SLC4A4: variants seen among roughly 807,000 people sequenced by gnomAD.
The protein encoded by SLC4A4 is solute carrier family 4 member 4, also known as electrogenic sodium bicarbonate cotransporter 1.
A neutral mutation model predicts 111.5 loss-of-function variants in SLC4A4; 27 were observed. The ratio of observed to expected loss-of-function variants is 0.24; its 90% CI spans 0.18 to 0.33. The LOEUF is 0.33. Among genes scored for constraint, SLC4A4 ranks in the 10% least tolerant of loss-of-function variants. The pLI, the probability that SLC4A4 is intolerant of heterozygous loss-of-function variation, is 1.00. For synonymous variants in SLC4A4, 443 were observed against 463.4 expected, an observed-to-expected ratio of 0.96 and a Z score of 0.57; for missense variants, 909 against 1,315.5, an observed-to-expected ratio of 0.69 and a Z score of 4.78.
chr4:71,477,936 A>G (rs540946009), intron 14 of SLC4A4, among the ~76,000 whole-genome samples: 3 of 152,078 alleles, frequency 2.0e-5, no homozygotes, highest in Non-Finnish European at 4.4e-5. Context: ...AAAACAAACA[A>G]TCCCATCAAA....
intron 7 of SLC4A4, among the ~76,000 whole-genome samples, chr4:71,422,962 A>C (rs1195130273): frequency 6.6e-6 from 1 of 152,194 alleles, no homozygotes; most frequent in Non-Finnish European, 1.5e-5. Context: ...ACTCCTATTC[A>C]ACATAGTGTT....
chr4:71,231,257 G>T (rs1198203955), intron 1 of SLC4A4, among the ~76,000 whole-genome samples: 1 of 152,216 alleles, frequency 6.6e-6, no homozygotes, highest in East Asian at 1.9e-4. Context: ...AGCTGCTTGC[G>T]CTGTGCGGAC....
chr4:71,160,102 A>G (rs1415903727), intron 2 of SLC4A4, among the ~76,000 whole-genome samples: 2 of 152,194 alleles, frequency 1.3e-5, no homozygotes, highest in African/African-American at 4.8e-5. Context: ...AGTAGAGGCT[A>G]TTTGCTAATG....
At chr4:71,376,331 A>G (rs1469234022) in intron 6 of SLC4A4, among the ~76,000 whole-genome samples, 1 of 150,504 alleles carries the variant, frequency 6.6e-6, no homozygotes, top group Non-Finnish European at 1.5e-5. Context: ...CCTCCCAAGT[A>G]GCTGGGACTA....
At chr4:71,184,793 A>G (rs904457485), upstream of SLC4A4, among the ~76,000 whole-genome samples, 3 of 152,180 alleles carry the variant, frequency 2.0e-5, no homozygotes, top group Non-Finnish European at 4.4e-5. Context: ...AGTTTATAAG[A>G]AAAATTAATC....
At chr4:71,288,357 G>C (rs1229942410) in intron 3 of SLC4A4, among the ~76,000 whole-genome samples, 3 of 152,060 alleles carry the variant, frequency 2.0e-5, no homozygotes, top group African/African-American at 7.2e-5. Flanking sequence ...TGCAGCACTT[G>C]ATGGTCTAGC....
intron 6 of SLC4A4, among the ~76,000 whole-genome samples, chr4:71,376,311 C>T (rs1165872894): frequency 1.3e-5 from 2 of 150,990 alleles, no homozygotes; most frequent in Non-Finnish European, 2.9e-5. Context: ...ACGCCATTCT[C>T]CTGCCTCAGC....
chr4:71,554,703 A>C (rs1208838971), intron 20 of SLC4A4, among the ~76,000 whole-genome samples: 1 of 151,812 alleles, frequency 6.6e-6, no homozygotes, highest in Non-Finnish European at 1.5e-5. Context: ...AAAAATTATT[A>C]AGGACAAAAA....
chr4:71,079,585 G>T (rs886794259), intron 1 of SLC4A4, among the ~76,000 whole-genome samples: 2 of 152,010 alleles, frequency 1.3e-5, no homozygotes, highest in Non-Finnish European at 2.9e-5. Context: ...ACAACAGCCT[G>T]GGCAACATAG....
intron 16 of SLC4A4, among the ~76,000 whole-genome samples, chr4:71,511,402 T>C (rs1449258385): frequency 6.6e-6 from 1 of 152,132 alleles, no homozygotes; most frequent in Non-Finnish European, 1.5e-5. Flanking sequence ...TTTCCCCTTA[T>C]GCTCTTTTTT....
chr4:71,304,065 G>A (rs920298741), intron 3 of SLC4A4, among the ~76,000 whole-genome samples: 1 of 152,184 alleles, frequency 6.6e-6, no homozygotes, highest in Non-Finnish European at 1.5e-5. Flanking sequence ...TGTGGCAGAG[G>A]CTGAATGTGA....
At position 71,510,786 on chromosome 4, in the gene SLC4A4, C is replaced by T. The variant is rs189720669; in HGVS notation, c.2166+13094C>T. 6.3e-3 allele frequency among the ~76,000 whole-genome samples: 958 copies of T among 152,028 alleles called. 5 individuals carry two copies. Among genetic ancestry groups the T allele is most frequent in the Non-Finnish European group, 8.0e-3 (545 of 67,944 alleles). ...TTTTCTGGTTAATTTGTAGATTCTT[C>T]GTTCTTTCCTTCCTCTTTTGTTGTT... is the stretch of plus-strand genomic sequence containing the variant. On this transcript the variant is annotated intron_variant, in intron 16 of 25. Coordinates refer to ENST00000264485, the MANE Select transcript of SLC4A4 (RefSeq NM_001098484.3).
At chr4:71,348,183 A>G (rs994063327) in intron 4 of SLC4A4, among the ~76,000 whole-genome samples, 4 of 152,138 alleles carry the variant, frequency 2.6e-5, no homozygotes, top group Non-Finnish European at 4.4e-5. Context: ...TAATCACCTT[A>G]TTACCTTTTA....
chr4:71,551,138 C>T (rs1333170627), intron 20 of SLC4A4, among the ~76,000 whole-genome samples: 2 of 151,866 alleles, frequency 1.3e-5, no homozygotes, highest in African/African-American at 2.4e-5. Flanking sequence ...ATGAAAGGCA[C>T]TTCCTTGAGC....
intron 7 of SLC4A4, among the ~76,000 whole-genome samples, chr4:71,429,401 C>G (rs1214465594): frequency 2.0e-5 from 3 of 151,896 alleles, no homozygotes; most frequent in African/African-American, 7.3e-5. Flanking sequence ...TGGAAAACCA[C>G]TCAGAAAATA....
intron 1 of SLC4A4, among the ~76,000 whole-genome samples, chr4:71,086,814 T>A (rs1742190598): frequency 6.6e-6 from 1 of 152,074 alleles, no homozygotes; most frequent in Non-Finnish European, 1.5e-5. Context: ...TGCCAGTATT[T>A]TATTGAGGAT....
At chr4:71,547,565 G>A (rs547097092) in intron 19 of SLC4A4, 83 bp from the exon 20 acceptor site, 27 of 1,080,388 alleles carry the variant, frequency 2.5e-5, no homozygotes, top group African/African-American at 2.5e-4. Context: ...TTTTGTCAAT[G>A]TGTAGTTTTT....
intron 7 of SLC4A4, among the ~76,000 whole-genome samples, chr4:71,439,470 A>AG (rs1724501977): frequency 1.5e-5 from 2 of 136,532 alleles, no homozygotes; most frequent in Non-Finnish European, 3.2e-5. Flanking sequence ...AAAAAAAAAA[A>AG]AGAAAAGAAA....
chr4:71,293,458 G>A (rs1277383822), intron 3 of SLC4A4, among the ~76,000 whole-genome samples: 1 of 151,598 alleles, frequency 6.6e-6, no homozygotes, highest in Non-Finnish European at 1.5e-5. Context: ...AGCTACTTGG[G>A]AGGCTGAGGC....
Sources: allele counts gnomAD v4.1 joint callset (sites outside exome capture counted in the v4.1 genomes callset), GRCh38; gene constraint gnomAD v4.1.1; transcripts MANE v1.5; gene names NCBI Gene and HGNC (gene_info 2026-07-23, HGNC 2026-07-21).